TRAPPC8: variants seen among roughly 807,000 people sequenced by gnomAD.
The protein encoded by TRAPPC8 is general sporulation gene 1 homolog.
A neutral mutation model predicts 174.3 loss-of-function variants in TRAPPC8; 54 were observed. That is an observed-to-expected ratio of 0.31 (90% confidence interval 0.25 to 0.39). The LOEUF (loss-of-function observed/expected upper bound fraction) is 0.39. Ranked by LOEUF, TRAPPC8 falls within the 10% of genes least tolerant of loss-of-function variation. The pLI is 1.00. For synonymous variants in TRAPPC8, 630 were observed against 579.9 expected (o/e 1.09, Z -1.24); for missense variants, 1,531 against 1,699.1 (o/e 0.90, Z 1.74).
At chr18:31,847,116 C>CTT (rs2033449888) in intron 25 of TRAPPC8, among the ~76,000 whole-genome samples, 1 of 152,174 alleles carries the variant, frequency 6.6e-6, no homozygotes, top group African/African-American at 2.4e-5. Flanking sequence ...AAGAACTGTG[C>CTT]TATAACACAA....
chr18:31,897,370 T>C (rs1209641396), intron 11 of TRAPPC8, among the ~76,000 whole-genome samples: 1 of 152,182 alleles, frequency 6.6e-6, no homozygotes, highest in Non-Finnish European at 1.5e-5. Context: ...AAACTAAAAA[T>C]TCCTCAGTGA....
rs777415531 is a variant in TRAPPC8, at chr18:31,857,795, C to T, written c.2933G>A (p.Cys978Tyr). 1 of 1,614,150 alleles carries T rather than the reference C, an allele frequency of 6.2e-7. No homozygotes were observed. The highest frequency in any genetic ancestry group is 1.1e-5 in the South Asian group (1 of 91,076). The change falls in exon 20 of 29, where the codon TGT becomes TAT. Residue 978 changes from cysteine (C) to tyrosine (Y), a missense_variant. Cys to Tyr is a radical substitution (Grantham distance 194, BLOSUM62 -2). Coordinates refer to ENST00000283351, the MANE Select transcript of TRAPPC8 (RefSeq NM_014939.5). The part of the protein sequence containing the change: ...TPLSPSASEN[C>Y]SAYKTVVTDA... ...TGTCACAACAGTCTTGTAAGCACTA[C>T]AATTCTCAGAAGCTGAGGGACTTAG... is the stretch of plus-strand genomic sequence containing the variant.
chr18:31,845,847 C>T (rs1429137760), intron 26 of TRAPPC8, among the ~76,000 whole-genome samples: 1 of 152,048 alleles, frequency 6.6e-6, no homozygotes, highest in East Asian at 1.9e-4. Context: ...AAACAAAATA[C>T]AGGGCCATTG....
At chr18:31,857,166 T>G (rs984825184) in intron 20 of TRAPPC8, among the ~76,000 whole-genome samples, 38 of 152,140 alleles carry the variant, frequency 2.5e-4, no homozygotes, top group African/African-American at 8.9e-4. Context: ...ACAAAACAAT[T>G]TTCTTAAAAA....
chr18:31,873,500 C>G lies in TRAPPC8; in HGVS notation c.1992G>C (p.Gln664His), dbSNP rs1261930887. ...AACTGTTAATATACGGTAAAGGAAGCTGTGGCAAAGGACCATCTGGTGACA... is the reference window on the plus strand; with the variant it reads ...AACTGTTAATATACGGTAAAGGAAGGTGTGGCAAAGGACCATCTGGTGACA... Reference protein sequence around the residue: ...SQLSPDGPLPQLPLPYINSSA... With the variant: ...SQLSPDGPLPHLPLPYINSSA... The change falls in exon 14 of 29, where the codon CAG becomes CAC. Residue 664 changes from glutamine (Q) to histidine (H), a missense_variant. Physicochemically the swap from Gln to His is conservative, Grantham distance 24 (BLOSUM62 0). Transcript: ENST00000283351. The G allele has an allele frequency of 6.2e-7, 1 of 1,613,204 alleles. No homozygotes were observed. Among genetic ancestry groups the G allele is most frequent in the Non-Finnish European group, 8.5e-7 (1 of 1,179,634 alleles).
chr18:31,882,893 G>A (rs2035525410), intron 12 of TRAPPC8, among the ~76,000 whole-genome samples: 2 of 149,296 alleles, frequency 1.3e-5, no homozygotes, highest in South Asian at 4.3e-4. Flanking sequence ...GGGATTACAC[G>A]CATGAGCCAC....
chr18:31,847,879 C>T (rs1008852318), intron 25 of TRAPPC8, among the ~76,000 whole-genome samples: 3 of 151,988 alleles, frequency 2.0e-5, no homozygotes, highest in African/African-American at 7.2e-5. Flanking sequence ...TAAAACTAAC[C>T]TTTATTTTGG....
chr18:31,873,395 C>T, intron 14 of TRAPPC8, 35 bp downstream of exon 14: 1 of 1,500,512 alleles, frequency 6.7e-7, no homozygotes, highest in Middle Eastern at 1.7e-4. Context: ...TTTAAATTGT[C>T]ATTAGGTAAT....
Position 31,909,647 on chromosome 18 carries a change from T to TA in TRAPPC8, c.865+19dup, listed in dbSNP as rs745447469. The TA allele has an allele frequency of 5.1e-6, 8 of 1,583,742 alleles. No individual in the cohort carries two copies. Among genetic ancestry groups the TA allele is most frequent in the Non-Finnish European group, 6.8e-6 (8 of 1,171,422 alleles). On this transcript the variant is annotated intron_variant, in intron 6 of 28. Coordinates refer to ENST00000283351, the MANE Select transcript of TRAPPC8 (RefSeq NM_014939.5). ...CATATTTTCAATCAAAAGAGAAACT[T>TA]AGAGAAAATATATCAAGACCTTTGA... is the stretch of plus-strand genomic sequence containing the variant.
At chr18:31,892,599 T>C (rs2036001418) in intron 11 of TRAPPC8, among the ~76,000 whole-genome samples, 1 of 152,174 alleles carries the variant, frequency 6.6e-6, no homozygotes, top group Admixed American at 6.5e-5. Flanking sequence ...GCTATGCATA[T>C]ACTACTTCAG....
chr18:31,932,997 CAA>C (rs35234467), intron 1 of TRAPPC8, among the ~76,000 whole-genome samples: 8,197 of 41,538 alleles, frequency 0.2, 132 homozygotes, highest in South Asian at 0.36. Flanking sequence ...GACTCCGTCT[CAA>C]AAAAAAAAAA....
At chr18:31,855,008 T>G (rs1238692381) in intron 21 of TRAPPC8, among the ~76,000 whole-genome samples, 1 of 146,898 alleles carries the variant, frequency 6.8e-6, no homozygotes, top group African/African-American at 2.5e-5. Context: ...TTTTACAGCC[T>G]GGCCAACATG....
chr18:31,919,609 C>T (rs954638332), intron 2 of TRAPPC8, among the ~76,000 whole-genome samples: 7 of 149,732 alleles, frequency 4.7e-5, no homozygotes, highest in African/African-American at 1.7e-4. Flanking sequence ...ATAATCCTAA[C>T]ACTTTGGGAG....
At chr18:31,881,066 G>A (rs1266973304) in intron 12 of TRAPPC8, among the ~76,000 whole-genome samples, 1 of 151,912 alleles carries the variant, frequency 6.6e-6, no homozygotes, top group Non-Finnish European at 1.5e-5. Flanking sequence ...TAACTATATT[G>A]CCCAAAGCAA....
rs553839294 is a variant in TRAPPC8, at chr18:31,857,436, C to T, written c.3188+104G>A. ...TATAAATATCCTGCATAATCTGGAACAGAGTAATTTCTTAACATGTTAGTA... is the reference window on the plus strand; with the variant it reads ...TATAAATATCCTGCATAATCTGGAATAGAGTAATTTCTTAACATGTTAGTA... On this transcript the variant is annotated intron_variant, in intron 20 of 28. Coordinates refer to ENST00000283351, the MANE Select transcript of TRAPPC8 (RefSeq NM_014939.5). The T allele has an allele frequency of 1.2e-4, 117 of 981,398 alleles. 2 individuals are homozygous for T. In the East Asian group the frequency reaches 2.4e-3, roughly 20 times the overall value. The allele number at this position is 981,398 out of a possible 1,614,324, so 60.8% of individuals were successfully genotyped here.
intron 9 of TRAPPC8, among the ~76,000 whole-genome samples, chr18:31,905,456 G>T (rs2036618346): frequency 6.6e-6 from 1 of 152,164 alleles, no homozygotes; most frequent in Admixed American, 6.5e-5. Flanking sequence ...CTCAGGGCAG[G>T]CTGTACTTTC....
intron 11 of TRAPPC8, among the ~76,000 whole-genome samples, chr18:31,892,475 ATT>A (rs903383865): frequency 5.3e-5 from 8 of 152,136 alleles, no homozygotes; most frequent in South Asian, 4.1e-4. Flanking sequence ...ATTGTTTCAT[ATT>A]TTGTTACTAC....
chr18:31,933,561 G>A (rs1242774687), intron 1 of TRAPPC8, among the ~76,000 whole-genome samples: 1 of 152,112 alleles, frequency 6.6e-6, no homozygotes, highest in South Asian at 2.1e-4. Context: ...AATGAAGGCG[G>A]TATAGCAGCA....
rs1024640775 is a variant in TRAPPC8 at position 31,942,953 on chromosome 18, C to G, written c.-189G>C. 10 of 1,159,460 alleles carry G rather than the reference C, an allele frequency of 8.6e-6. No homozygotes were observed. Among genetic ancestry groups the G allele is most frequent in the African/African-American group, 1.6e-5 (1 of 62,884 alleles). The allele number at this position is 1,159,460 out of a possible 1,614,324, so 71.8% of individuals were successfully genotyped here. On this transcript the variant is annotated 5_prime_UTR_variant, in exon 1 of 29. Coordinates refer to ENST00000283351, the MANE Select transcript of TRAPPC8 (RefSeq NM_014939.5). ...GTTTCTGGGGCACAATCCACTGACCCCCCCCTTCCCGTCACCGCCGCTTCT... is the reference window on the plus strand; with the variant it reads ...GTTTCTGGGGCACAATCCACTGACCGCCCCCTTCCCGTCACCGCCGCTTCT...
Sources: allele counts gnomAD v4.1 joint callset (sites outside exome capture counted in the v4.1 genomes callset), GRCh38; gene constraint gnomAD v4.1.1; transcripts MANE v1.5; gene names NCBI Gene and HGNC (gene_info 2026-07-23, HGNC 2026-07-21).